Variants in FLNB observed in about 807,000 individuals in gnomAD.
FLNB encodes the protein filamin B, also known as filamin-B.
A neutral mutation model predicts 250.6 loss-of-function variants in FLNB; 111 were observed. The ratio of observed to expected loss-of-function variants is 0.44; its 90% CI spans 0.38 to 0.52. The LOEUF (loss-of-function observed/expected upper bound fraction) is 0.52, where lower values mean the gene tolerates loss of function less well. Among genes scored for constraint, FLNB ranks in the 20% least tolerant of loss-of-function variants. The pLI is 0.00. For missense variants in FLNB, 2,869 were observed against 3,447.8 expected (o/e 0.83, Z 4.20); for synonymous variants, 1,302 against 1,372.1 (o/e 0.95, Z 1.13).
At chr3:58,103,236 C>T (rs2097253889) in intron 9 of FLNB, among the ~76,000 whole-genome samples, 2 of 150,878 alleles carry the variant, frequency 1.3e-5, no homozygotes, top group African/African-American at 2.4e-5. Context: ...TGTCTTCCCT[C>T]CCAGATTATT....
rs1013105784 is a variant in FLNB, at chr3:58,095,362, C to T, written c.906+408C>T. ...TTCAGGCGATTCTCCTGCCTCAGCC[C>T]GGCTAATTTTTGTAACCCAAGTAAC... On this transcript the variant is annotated intron_variant, in intron 5 of 45. Transcript: ENST00000295956. Among the ~76,000 whole-genome samples the T allele has an allele frequency of 1.8e-4, 28 of 152,130 alleles. 1 individual carries two copies. The highest frequency in any genetic ancestry group is 1.2e-3 in the East Asian group (6 of 5,174).
chr3:58,109,381 C>T, intron 14 of FLNB, 59 bp downstream of exon 14: 2 of 1,588,174 alleles, frequency 1.3e-6, no homozygotes, highest in South Asian at 2.3e-5. Flanking sequence ...TACACCAGGT[C>T]TGGGATCCAT....
intron 1 of FLNB, among the ~76,000 whole-genome samples, chr3:58,029,411 T>A (rs772054806): frequency 1.4e-4 from 22 of 152,100 alleles, no homozygotes; most frequent in Non-Finnish European, 2.9e-4. Context: ...GATATGAAGC[T>A]CAGTCTGATT....
intron 1 of FLNB, among the ~76,000 whole-genome samples, chr3:58,015,645 A>G (rs2097104728): frequency 6.6e-6 from 1 of 152,146 alleles, no homozygotes; most frequent in South Asian, 2.1e-4. Context: ...CTTCAGGCCC[A>G]TGCTCATCAC....
intron 1 of FLNB, among the ~76,000 whole-genome samples, chr3:58,022,876 G>A (rs144935795): frequency 0.03 from 4,549 of 151,646 alleles, 223 homozygotes; most frequent in African/African-American, 0.1. Context: ...GGAGTACAGT[G>A]GCGCAATCTT....
intron 43 of FLNB, among the ~76,000 whole-genome samples, chr3:58,168,112 C>T (rs2097373934): frequency 6.6e-6 from 1 of 152,252 alleles, no homozygotes; most frequent in African/African-American, 2.4e-5. Context: ...GCTGAAGCAG[C>T]ACTTCAGGCT....
At chr3:58,025,645 C>G (rs1298075217) in intron 1 of FLNB, among the ~76,000 whole-genome samples, 2 of 152,176 alleles carry the variant, frequency 1.3e-5, no homozygotes, top group African/African-American at 4.8e-5. Context: ...CTTAAATGCT[C>G]TGTCTTACAG....
chr3:58,138,490 C>T lies in FLNB; in HGVS notation c.5070C>T (p.Phe1690=), dbSNP rs767965877. 58 of 1,614,028 alleles carry T rather than the reference C, an allele frequency of 3.6e-5. No individual in the cohort carries two copies. Among genetic ancestry groups the T allele is most frequent in the Non-Finnish European group, 4.5e-5 (53 of 1,180,030 alleles). The change falls in exon 29 of 46, where the codon TTC becomes TTT. Residue 1690 remains phenylalanine, a synonymous_variant. Transcript: ENST00000295956. ...GCACATATGTGATCTATGTGCGCTT[C>T]GGTGGTGTTGATATTCCTAACAGCC... ...KPGTYVIYVR[F]GGVDIPNSPF... is the part of the protein sequence containing the mutation.
At chr3:58,065,315 G>T (rs1444412624) in intron 1 of FLNB, among the ~76,000 whole-genome samples, 1 of 152,186 alleles carries the variant, frequency 6.6e-6, no homozygotes, top group Non-Finnish European at 1.5e-5. Context: ...TCTGTGCACT[G>T]TCTCCTCATC....
chr3:58,082,446 G>A (rs1270128278), intron 4 of FLNB, among the ~76,000 whole-genome samples: 1 of 152,060 alleles, frequency 6.6e-6, no homozygotes, highest in Non-Finnish European at 1.5e-5. Context: ...GGGAGGGGAA[G>A]GAGTGCATTT....
At chr3:58,170,472 C>T in intron 45 of FLNB, 103 bp from the exon 46 acceptor site, 1 of 1,184,796 alleles carries the variant, frequency 8.4e-7, no homozygotes, top group Non-Finnish European at 1.2e-6. Flanking sequence ...TTAGGGGCCC[C>T]AGCATTATCG....
intron 39 of FLNB, 119 bp from the exon 40 acceptor site, chr3:58,154,672 G>A (rs2097350637): frequency 2.7e-6 from 3 of 1,093,752 alleles, no homozygotes; most frequent in Admixed American, 1.7e-5. Flanking sequence ...CTTGGGGTTG[G>A]AGAAAGAGGA....
rs956463790 is a variant in FLNB at position 58,121,412 on chromosome 3, G to A, written c.3035G>A (p.Gly1012Glu). 1.2e-6 allele frequency: 2 copies of A among 1,614,040 alleles called. No homozygotes were observed. Among genetic ancestry groups the A allele is most frequent in the Non-Finnish European group, 1.7e-6 (2 of 1,180,044 alleles). ...STAKFIPREE[G>E]LYAVDVTYDG... ...GCCAAGTTCATCCCTCGGGAGGAGG[G>A]GCTGTATGCTGTAGACGTGACCTAC... is the stretch of plus-strand genomic sequence containing the variant. The change falls in exon 20 of 46, where the codon GGG (glycine) becomes GAG (glutamate). Residue 1012 changes from glycine (G) to glutamate (E), a missense_variant. Physicochemically the swap from Gly to Glu is moderately conservative, Grantham distance 98. Around this residue, in one of 5 missense-constraint regions of FLNB, gnomAD observed 1,348 missense variants for 1,466.7 expected, o/e 0.92. Coordinates refer to ENST00000295956, the MANE Select transcript of FLNB (RefSeq NM_001457.4).
At chr3:58,021,198 G>A (rs2097113562) in intron 1 of FLNB, among the ~76,000 whole-genome samples, 1 of 152,174 alleles carries the variant, frequency 6.6e-6, no homozygotes, top group African/African-American at 2.4e-5. Context: ...TCTTGCCCAG[G>A]AACAAACTGA....
rs56147140 is a variant in FLNB at position 58,123,703 on chromosome 3, TAAAAAAAA to T, written c.3724+29_3724+36del. The T allele has an allele frequency of 6.3e-6, 7 of 1,117,366 alleles. No homozygotes were observed. The highest frequency in any genetic ancestry group is 4.0e-5 in the African/African-American group (2 of 50,052). 69.2% of individuals were successfully genotyped at this position (1,117,366 alleles called of 1,614,324 possible). On this transcript the variant is annotated intron_variant, in intron 21 of 45. Coordinates refer to ENST00000295956, the MANE Select transcript of FLNB (RefSeq NM_001457.4). ...ATAGAAGGGAAAGGTGGGTTTCATT[TAAAAAAAA>T]AAAAAAAAAAAAAAAGACAAGCTGG... is the stretch of plus-strand genomic sequence containing the variant.
At chr3:58,140,618 T>G (rs965694976) in intron 29 of FLNB, among the ~76,000 whole-genome samples, 17 of 150,898 alleles carry the variant, frequency 1.1e-4, no homozygotes, top group East Asian at 1.9e-4. Flanking sequence ...ATCTTTTTTG[T>G]TTTTTTTTGA....
At position 58,154,920 on chromosome 3, in the gene FLNB, A is replaced by G. The variant is rs1270918474; in HGVS notation, c.6764A>G (p.Gln2255Arg). 2 of 1,613,958 alleles carry G rather than the reference A, an allele frequency of 1.2e-6. No individual in the cohort carries two copies. Among genetic ancestry groups the G allele is most frequent in the South Asian group, 2.2e-5 (2 of 91,076 alleles). Residue 2255 changes from glutamine to arginine, a missense_variant, in exon 40 of 46, where the codon CAA (glutamine) becomes CGA (arginine). Transcript: ENST00000295956. ...NGSCGVSYIA[Q>R]EPGNYEVSIK... ...TCGTGCGGTGTATCTTATATTGCCCAAGAGCCTGGTATGTATTCAGGGTTC... is the reference window on the plus strand; with the variant it reads ...TCGTGCGGTGTATCTTATATTGCCCGAGAGCCTGGTATGTATTCAGGGTTC...
chr3:58,050,643 A>G (rs1436184718), intron 1 of FLNB, among the ~76,000 whole-genome samples: 1 of 152,208 alleles, frequency 6.6e-6, no homozygotes, highest in African/African-American at 2.4e-5. Context: ...GGGTGAGCAG[A>G]TGGGAGGCAC....
At chr3:58,037,942 A>C (rs1390496875) in intron 1 of FLNB, among the ~76,000 whole-genome samples, 1 of 152,272 alleles carries the variant, frequency 6.6e-6, no homozygotes, top group African/African-American at 2.4e-5. Flanking sequence ...AAATAAATAA[A>C]ATCAATGAAA....
Sources: allele counts gnomAD v4.1 joint callset (sites outside exome capture counted in the v4.1 genomes callset), GRCh38; gene constraint gnomAD v4.1.1; regional missense constraint gnomAD v4.1.1; transcripts MANE v1.5; gene names NCBI Gene and HGNC (gene_info 2026-07-23, HGNC 2026-07-21).